Variants in ARHGAP5 observed in about 807,000 individuals in gnomAD.
ARHGAP5 encodes Rho GTPase activating protein 5.
In ARHGAP5, 23 loss-of-function variants were observed where a neutral mutation model predicts 116.6. The observed-to-expected ratio is 0.20, with a 90% CI of 0.14 to 0.28. ARHGAP5 has a LOEUF of 0.28. Ranked by LOEUF, ARHGAP5 falls within the 10% of genes least tolerant of loss-of-function variation. The probability of loss-of-function intolerance (pLI) is 1.00; values close to 1 mark genes in which losing one functional copy is unlikely to be tolerated. For missense variants in ARHGAP5, 1,405 were observed against 1,774.8 expected, an observed-to-expected ratio of 0.79 and a Z score of 3.74; for synonymous variants, 574 against 602.0, an observed-to-expected ratio of 0.95 and a Z score of 0.68.
At chr14:32,139,143 G>C (rs1487151544) in intron 3 of ARHGAP5, among the ~76,000 whole-genome samples, 2 of 152,018 alleles carry the variant, frequency 1.3e-5, no homozygotes, top group Admixed American at 1.3e-4. Context: ...TTTTGTTGAA[G>C]ATTTTAAAAA....
rs147381138 is a variant in ARHGAP5 at position 32,106,169 on chromosome 14, T to C, written c.3718-10971T>C. Among the ~76,000 whole-genome samples the C allele has an allele frequency of 6.7e-3, 1,023 of 152,292 alleles. 12 individuals carry two copies. Among genetic ancestry groups the C allele is most frequent in the African/African-American group, 0.023 (973 of 41,562 alleles). ...TGGAGTCTCACTTTGTTGCCCAGGC[T>C]ACAGTGCAGTGGCGCGATCTCAGCT... On this transcript the variant is annotated intron_variant, in intron 2 of 6. Transcript: ENST00000345122.
Position 32,093,427 on chromosome 14 carries a change from T to A in ARHGAP5, c.2758T>A (p.Ser920Thr), listed in dbSNP as rs1277234210. Residue 920 changes from serine (S) to threonine (T), a missense_variant, in exon 2 of 7, where the codon TCT (serine) becomes ACT (threonine). Coordinates refer to ENST00000345122, the MANE Select transcript of ARHGAP5 (RefSeq NM_001030055.2). ...EITAKFTALYSLSQYHRQTEV... is the reference protein window; with the variant it reads ...EITAKFTALYTLSQYHRQTEV... ...CACTGCTAAATTTACAGCACTGTAT[T>A]CTTTATCTCAGTATCATCGGCAAAC... The A allele has an allele frequency of 1.2e-6, 2 of 1,613,840 alleles. No individual in the cohort carries two copies. Among genetic ancestry groups the A allele is most frequent in the Admixed American group, 1.7e-5 (1 of 59,980 alleles).
At chr14:32,098,877 A>C (rs979986058) in intron 2 of ARHGAP5, among the ~76,000 whole-genome samples, 4 of 152,162 alleles carry the variant, frequency 2.6e-5, no homozygotes, top group African/African-American at 9.7e-5. Context: ...TTAGCCTAAG[A>C]GTAATTTGAA....
Position 32,090,603 on chromosome 14 carries a change from A to T in ARHGAP5, c.-67A>T. The T allele has an allele frequency of 7.2e-7, 1 of 1,384,654 alleles. No homozygotes were observed. The allele number at this position is 1,384,654 out of a possible 1,614,324, so 85.8% of individuals were successfully genotyped here. ...AATTTGGGATCTGTATTTTGAGATGATTTTATTTTCAGAATGAGAAGCATA... is the reference window on the plus strand; with the variant it reads ...AATTTGGGATCTGTATTTTGAGATGTTTTTATTTTCAGAATGAGAAGCATA... On this transcript the variant is annotated 5_prime_UTR_variant, in exon 2 of 7. Transcript: ENST00000345122.
chr14:32,149,773 CAAAAAAAA>C (rs112832100), intron 4 of ARHGAP5, 121 bp from the exon 5 acceptor site: 1 of 372,970 alleles, frequency 2.7e-6, no homozygotes, highest in African/African-American at 2.5e-5. Flanking sequence ...AACTCAGTCT[CAAAAAAAA>C]AAAGAAAAAG....
intron 3 of ARHGAP5, among the ~76,000 whole-genome samples, chr14:32,131,919 A>C (rs983899008): frequency 3.3e-5 from 5 of 152,138 alleles, no homozygotes; most frequent in Non-Finnish European, 7.4e-5. Flanking sequence ...TGAACTCATC[A>C]TTTTTTATGG....
At chr14:32,112,059 C>T (rs560696178) in intron 2 of ARHGAP5, among the ~76,000 whole-genome samples, 116 of 152,022 alleles carry the variant, frequency 7.6e-4, no homozygotes, top group African/African-American at 2.7e-3. Flanking sequence ...CATTGCGATC[C>T]GCCCGTTTCG....
chr14:32,108,873 G>A (rs140971289), intron 2 of ARHGAP5, among the ~76,000 whole-genome samples: 121 of 152,264 alleles, frequency 7.9e-4, no homozygotes, highest in African/African-American at 2.5e-3. Context: ...TGGTGTATGT[G>A]TGAATCTATT....
intron 3 of ARHGAP5, among the ~76,000 whole-genome samples, chr14:32,120,607 CTT>C (rs772226735): frequency 2.0e-3 from 268 of 137,336 alleles, no homozygotes; most frequent in African/African-American, 6.4e-3. Context: ...TTGTAATTTC[CTT>C]TTTTTTTTTT....
rs1292579834 is a variant in ARHGAP5, at chr14:32,093,009, T to C, written c.2340T>C (p.Ile780=). Residue 780 remains isoleucine, a synonymous_variant, in exon 2 of 7, where the codon ATT becomes ATC. Coordinates refer to ENST00000345122, the MANE Select transcript of ARHGAP5 (RefSeq NM_001030055.2). ...ACTTATCAGAAGCTGACTTGAGAAT[T>C]GTCATGTGCGCCATGTGTGGAGATC... The part of the protein sequence containing the change: ...NKDLSEADLR[I]VMCAMCGDPF... 13 of 1,614,082 alleles carry C rather than the reference T, an allele frequency of 8.1e-6. No homozygotes were observed. The highest frequency in any genetic ancestry group is 1.1e-5 in the Non-Finnish European group (13 of 1,179,968).
At position 32,091,836 on chromosome 14, in the gene ARHGAP5, T is replaced by G. The variant is rs776304260; in HGVS notation, c.1167T>G (p.Thr389=). The G allele has an allele frequency of 1.2e-6, 2 of 1,613,544 alleles. No homozygotes were observed. The highest frequency in any genetic ancestry group is 1.7e-6 in the Non-Finnish European group (2 of 1,179,650). The change falls in exon 2 of 7, where the codon ACT becomes ACG. Residue 389 remains threonine (T), a synonymous_variant. Transcript: ENST00000345122. The part of the protein sequence containing the change: ...VVLEKTPWDE[T]DHIDKINDRR... Reference sequence around the variant, plus strand: ...TAGAAAAAACTCCTTGGGATGAAACTGACCATATAGACAAAATTAATGATA... The same window carrying G: ...TAGAAAAAACTCCTTGGGATGAAACGGACCATATAGACAAAATTAATGATA...
chr14:32,093,450 A>T lies in ARHGAP5; in HGVS notation c.2781A>T (p.Gln927His). Reference sequence around the variant, plus strand: ...ATTCTTTATCTCAGTATCATCGGCAAACTGAGGTCTTTACTCTGTTTTTTA... The same window carrying T: ...ATTCTTTATCTCAGTATCATCGGCATACTGAGGTCTTTACTCTGTTTTTTA... Reference protein sequence around the residue: ...ALYSLSQYHRQTEVFTLFFSD... With the variant: ...ALYSLSQYHRHTEVFTLFFSD... The change falls in exon 2 of 7, where the codon CAA (glutamine) becomes CAT (histidine). Residue 927 changes from glutamine (Q) to histidine (H), a missense_variant. By Grantham distance (24) the Gln-to-His change is conservative. Transcript: ENST00000345122. 1 of 1,613,558 alleles carries T rather than the reference A, an allele frequency of 6.2e-7. No homozygotes were observed.
rs1451708194 is a variant in ARHGAP5 at position 32,154,855 on chromosome 14, G to T, written c.4416G>T (p.Leu1472Phe). The T allele has an allele frequency of 6.2e-7, 1 of 1,613,932 alleles. No homozygotes were observed. The highest frequency in any genetic ancestry group is 1.3e-5 in the African/African-American group (1 of 74,892). Reference sequence around the variant, plus strand: ...CACCACCTTCAAACCCAGGACAGTTGGTGGAACCAATGGTGCCACTTCAGT... The same window carrying T: ...CACCACCTTCAAACCCAGGACAGTTTGTGGAACCAATGGTGCCACTTCAGT... ...APPPPSNPGQ[L>F]VEPMVPLQLP... is the part of the protein sequence containing the mutation. Residue 1472 changes from leucine to phenylalanine, a missense_variant, in exon 7 of 7, where the codon TTG (leucine) becomes TTT (phenylalanine). Transcript: ENST00000345122.
At chr14:32,085,272 C>A (rs1019126462) in intron 1 of ARHGAP5, among the ~76,000 whole-genome samples, 1 of 151,942 alleles carries the variant, frequency 6.6e-6, no homozygotes, top group Non-Finnish European at 1.5e-5. Context: ...ATAAGGAGAA[C>A]CCCTCTCTAC....
intron 2 of ARHGAP5, among the ~76,000 whole-genome samples, chr14:32,115,306 A>T (rs1055907413): frequency 6.6e-6 from 1 of 152,108 alleles, no homozygotes; most frequent in Non-Finnish European, 1.5e-5. Flanking sequence ...TTCTTACTTA[A>T]TTTTGTCTTT....
intron 2 of ARHGAP5, among the ~76,000 whole-genome samples, chr14:32,111,438 G>A (rs959601776): frequency 3.3e-5 from 5 of 152,206 alleles, no homozygotes; most frequent in African/African-American, 1.2e-4. Context: ...GATGAGAACT[G>A]AGAACTAATT....
chr14:32,099,988 T>C (rs1878716066), intron 2 of ARHGAP5, among the ~76,000 whole-genome samples: 2 of 152,200 alleles, frequency 1.3e-5, no homozygotes, highest in African/African-American at 4.8e-5. Context: ...ATGTTTTTGA[T>C]TGTAACTGGC....
Position 32,091,683 on chromosome 14 carries a change from T to C in ARHGAP5, c.1014T>C (p.Tyr338=), listed in dbSNP as rs1247611341. ...ATATAAGAAAAAGGAGAGAAGAGTA[T>C]ATAAATACTTTACCAAGAGCTTTTA... The part of the protein sequence containing the change: ...QEHIRKRREE[Y]INTLPRAFNT... The change falls in exon 2 of 7, where the codon TAT becomes TAC. Residue 338 remains tyrosine (Y), a synonymous_variant. Transcript: ENST00000345122. 1.9e-6 allele frequency: 3 copies of C among 1,609,558 alleles called. No individual in the cohort carries two copies. Among genetic ancestry groups the C allele is most frequent in the Non-Finnish European group, 1.7e-6 (2 of 1,178,544 alleles).
At chr14:32,087,981 C>T (rs1163993429) in intron 1 of ARHGAP5, among the ~76,000 whole-genome samples, 1 of 151,824 alleles carries the variant, frequency 6.6e-6, no homozygotes, top group Non-Finnish European at 1.5e-5. Flanking sequence ...CATTTAAGAC[C>T]CTTTTGTTTC....
Sources: allele counts gnomAD v4.1 joint callset (sites outside exome capture counted in the v4.1 genomes callset), GRCh38; gene constraint gnomAD v4.1.1; transcripts MANE v1.5; gene names NCBI Gene and HGNC (gene_info 2026-07-23, HGNC 2026-07-21).